LRP1B: variants seen among roughly 807,000 people sequenced by gnomAD.
LRP1B encodes the protein low-density lipoprotein receptor-related protein 1B.
A neutral mutation model predicts 556.6 loss-of-function variants in LRP1B; 217 were observed. That is an observed-to-expected ratio of 0.39 (90% CI 0.35 to 0.44). The LOEUF (loss-of-function observed/expected upper bound fraction) is 0.44. Ranked by LOEUF, LRP1B falls within the 20% of genes least tolerant of loss-of-function variation. The probability of loss-of-function intolerance (pLI) is 1.00; values close to 1 mark genes in which losing one functional copy is unlikely to be tolerated. For missense variants in LRP1B, 5,053 were observed against 5,620.8 expected (o/e 0.90, Z 3.23); for synonymous variants, 2,047 against 1,865.8 (o/e 1.10, Z -2.50).
At chr2:141,217,558 C>T (rs1682865143) in intron 6 of LRP1B, among the ~76,000 whole-genome samples, 1 of 152,036 alleles carries the variant, frequency 6.6e-6, no homozygotes, top group Non-Finnish European at 1.5e-5. Context: ...GAAATTTGAC[C>T]TCTACCTCTC....
At chr2:140,847,754 G>T (rs1692317412) in intron 29 of LRP1B, among the ~76,000 whole-genome samples, 1 of 126,038 alleles carries the variant, frequency 7.9e-6, no homozygotes. Context: ...GACAGAGTGA[G>T]ACTGCATCTA....
intron 1 of LRP1B, among the ~76,000 whole-genome samples, chr2:141,938,512 T>G (rs1363495657): frequency 2.0e-5 from 3 of 152,098 alleles, no homozygotes; most frequent in Non-Finnish European, 4.4e-5. Flanking sequence ...GCTACAGCCT[T>G]TATGGAGAAC....
intron 37 of LRP1B, among the ~76,000 whole-genome samples, chr2:140,712,720 T>C (rs1165100660): frequency 6.6e-6 from 1 of 152,086 alleles, no homozygotes; most frequent in Non-Finnish European, 1.5e-5. Flanking sequence ...TATTCTTTTG[T>C]CTACTCTTTA....
intron 7 of LRP1B, among the ~76,000 whole-genome samples, chr2:141,185,701 A>C (rs912565637): frequency 2.0e-5 from 3 of 151,102 alleles, no homozygotes; most frequent in Admixed American, 6.6e-5. Flanking sequence ...AAAAAACAAA[A>C]AAAAAAACAA....
intron 3 of LRP1B, among the ~76,000 whole-genome samples, chr2:141,304,702 T>C (rs1686522588): frequency 6.6e-6 from 1 of 151,888 alleles, no homozygotes; most frequent in South Asian, 2.1e-4. Flanking sequence ...GGTTTCACCA[T>C]GTTGGCCAGT....
At chr2:140,532,324 T>C (rs962550710) in intron 47 of LRP1B, among the ~76,000 whole-genome samples, 2 of 152,026 alleles carry the variant, frequency 1.3e-5, no homozygotes, top group African/African-American at 4.8e-5. Context: ...TTACTTCACA[T>C]GGCACAAAAT....
intron 11 of LRP1B, among the ~76,000 whole-genome samples, chr2:141,026,286 GT>G (rs994883336): frequency 1.3e-5 from 2 of 152,034 alleles, no homozygotes; most frequent in Non-Finnish European, 2.9e-5. Flanking sequence ...TTTCACAGAA[GT>G]TGACTTTTTA....
intron 84 of LRP1B, among the ~76,000 whole-genome samples, chr2:140,286,022 T>C (rs529001319): frequency 6.1e-4 from 93 of 152,014 alleles, no homozygotes; most frequent in African/African-American, 2.2e-3. Context: ...ACCTGACATA[T>C]AACATGTTTG....
Position 140,868,283 on chromosome 2 carries a change from A to AC in LRP1B, c.4170-21_4170-20insG. The AC allele has an allele frequency of 6.6e-7, 1 of 1,522,856 alleles. No homozygotes were observed. The highest frequency in any genetic ancestry group is 8.8e-7 in the Non-Finnish European group (1 of 1,133,076). 94.3% of individuals were successfully genotyped at this position (1,522,856 alleles called of 1,614,324 possible). A position where few individuals can be genotyped will look rare whatever the true frequency, so the allele number is the denominator to read the frequency against. On this transcript the variant is annotated intron_variant, in intron 25 of 90. Transcript: ENST00000389484. Reference sequence around the variant, plus strand: ...AGAATTCTAAAAAAAAAAAAAAAAAAAGAAATAATACTATTGTTTCAGTCA... The same window carrying AC: ...AGAATTCTAAAAAAAAAAAAAAAAAACAGAAATAATACTATTGTTTCAGTCA...
intron 43 of LRP1B, among the ~76,000 whole-genome samples, chr2:140,558,584 G>C (rs2105070329): frequency 6.6e-6 from 1 of 152,236 alleles, no homozygotes; most frequent in Non-Finnish European, 1.5e-5. Flanking sequence ...GCTTAGGGCT[G>C]AGGGGAGTGA....
intron 45 of LRP1B, among the ~76,000 whole-genome samples, chr2:140,540,303 C>A (rs75477802): frequency 6.6e-6 from 1 of 152,042 alleles, no homozygotes; most frequent in African/African-American, 2.4e-5. Flanking sequence ...ATTGCCTTAA[C>A]GTTAAAAGGA....
intron 41 of LRP1B, among the ~76,000 whole-genome samples, chr2:140,664,023 A>T (rs971740564): frequency 3.9e-5 from 6 of 152,168 alleles, no homozygotes; most frequent in Non-Finnish European, 5.9e-5. Context: ...CGGCTGGTGG[A>T]CCAATAAGAA....
At chr2:142,007,874 G>A (rs1206861823) in intron 1 of LRP1B, among the ~76,000 whole-genome samples, 1 of 152,054 alleles carries the variant, frequency 6.6e-6, no homozygotes, top group Non-Finnish European at 1.5e-5. Context: ...CCTGATTTCC[G>A]CATCAAGTCT....
intron 76 of LRP1B, among the ~76,000 whole-genome samples, chr2:140,352,413 A>G (rs996730493): frequency 7.2e-5 from 11 of 152,036 alleles, no homozygotes; most frequent in African/African-American, 2.4e-4. Context: ...TGATCTCGTG[A>G]TCCACTCGCC....
chr2:140,682,675 C>CGTGTGTGTGTGTGTGT (rs112723393), intron 41 of LRP1B, among the ~76,000 whole-genome samples: 14 of 149,546 alleles, frequency 9.4e-5, no homozygotes, highest in African/African-American at 3.4e-4. Flanking sequence ...GAGAGTATTG[C>CGTGTGTGTGTGTGTGT]GTGTGTGTGT....
chr2:140,562,278 C>G (rs1166300198), intron 43 of LRP1B, among the ~76,000 whole-genome samples: 1 of 152,098 alleles, frequency 6.6e-6, no homozygotes, highest in Non-Finnish European at 1.5e-5. Flanking sequence ...AATTAAGGAA[C>G]CATTATTCGA....
intron 7 of LRP1B, among the ~76,000 whole-genome samples, chr2:141,181,723 T>C (rs1226025279): frequency 4.6e-5 from 7 of 151,978 alleles, no homozygotes; most frequent in Non-Finnish European, 7.4e-5. Flanking sequence ...TTCCCTGTTG[T>C]ATTCCCAGGC....
intron 23 of LRP1B, among the ~76,000 whole-genome samples, chr2:140,889,718 C>T (rs984981196): frequency 6.6e-6 from 1 of 152,176 alleles, no homozygotes; most frequent in Non-Finnish European, 1.5e-5. Context: ...ATATAACCAC[C>T]ATGCCAAAGT....
chr2:141,515,256 C>A (rs1047907046), intron 2 of LRP1B, among the ~76,000 whole-genome samples: 1 of 150,994 alleles, frequency 6.6e-6, no homozygotes, highest in Non-Finnish European at 1.5e-5. Context: ...GAGCCGAGAT[C>A]GCACCACTGC....
Sources: gnomAD v4.1 joint callset for allele counts (sites outside exome capture counted in the v4.1 genomes callset) on GRCh38, gnomAD v4.1.1 for gene constraint, MANE v1.5 for transcripts, NCBI Gene and HGNC (gene_info 2026-07-23, HGNC 2026-07-21) for gene names.